HMCN2: variants seen among roughly 807,000 people sequenced by gnomAD.
HMCN2 encodes hemicentin-2.
A neutral mutation model predicts 377.5 loss-of-function variants in HMCN2; 325 were observed. That is an observed-to-expected ratio of 0.86 (90% confidence interval 0.79 to 0.94). The LOEUF is 0.94. Ranked by LOEUF, HMCN2 falls within the 40% of genes least tolerant of loss-of-function variation. The pLI, the probability that HMCN2 is intolerant of heterozygous loss-of-function variation, is 0.00. For synonymous variants in HMCN2, 2,007 were observed against 2,046.8 expected, an observed-to-expected ratio of 0.98 and a Z score of 0.53; for missense variants, 4,543 against 4,725.3, an observed-to-expected ratio of 0.96 and a Z score of 1.13.
chr9:130,335,209 C>T (rs1838682078), intron 22 of HMCN2, among the ~76,000 whole-genome samples: 2 of 152,082 alleles, frequency 1.3e-5, no homozygotes. Context: ...GTTTGCCAGC[C>T]CAGGTGTTGC....
chr9:130,350,403 A>AAAAAAAAAAAAC, intron 29 of HMCN2, among the ~76,000 whole-genome samples: 1 of 148,818 alleles, frequency 6.7e-6, no homozygotes, highest in African/African-American at 2.5e-5. Flanking sequence ...AAAAAAAAAA[A>AAAAAAAAAAAAC]AGAAATAGCC....
chr9:130,357,180 G>T (rs1187290017), intron 34 of HMCN2, among the ~76,000 whole-genome samples: 1 of 145,082 alleles, frequency 6.9e-6, no homozygotes, highest in Non-Finnish European at 1.5e-5. Flanking sequence ...ATGGGTAAAT[G>T]GATGGATGGG....
chr9:130,310,236 C>G (rs1328123414), intron 15 of HMCN2, among the ~76,000 whole-genome samples, 175 bp downstream of exon 15: 1 of 152,250 alleles, frequency 6.6e-6, no homozygotes, highest in Non-Finnish European at 1.5e-5. Context: ...CATGCATCAG[C>G]TCTTGCTGGG....
At chr9:130,307,670 G>T (rs1554937355) in intron 14 of HMCN2, 104 bp downstream of exon 14, 1 of 452,190 alleles carries the variant, frequency 2.2e-6, no homozygotes. Flanking sequence ...GAGCTGGAAG[G>T]TTCTGCTCCC....
chr9:130,395,824 T>G, intron 71 of HMCN2, 100 bp from the exon 72 acceptor site: 1 of 1,176,860 alleles, frequency 8.5e-7, no homozygotes, highest in Non-Finnish European at 1.1e-6. Context: ...AGAGCCACTG[T>G]CCAGCTTCAC....
At chr9:130,336,868 G>A (rs1269210094) in intron 22 of HMCN2, among the ~76,000 whole-genome samples, 2 of 152,148 alleles carry the variant, frequency 1.3e-5, no homozygotes, top group African/African-American at 4.8e-5. Flanking sequence ...TGGGGGCTAT[G>A]AGGACCCCTA....
chr9:130,317,108 C>G (rs1837600249), intron 15 of HMCN2, among the ~76,000 whole-genome samples: 1 of 150,424 alleles, frequency 6.6e-6, no homozygotes, highest in East Asian at 2.0e-4. Flanking sequence ...GCAGCTCTGG[C>G]TGGGGCAGCC....
chr9:130,384,904 G>T, intron 59 of HMCN2, 106 bp downstream of exon 59: 3 of 717,160 alleles, frequency 4.2e-6, no homozygotes, highest in Non-Finnish European at 6.3e-6. Flanking sequence ...GGAGGCACAG[G>T]GGGAGGCTGG....
At chr9:130,390,047 G>A (rs774648698) in intron 62 of HMCN2, among the ~76,000 whole-genome samples, 6 of 152,192 alleles carry the variant, frequency 3.9e-5, no homozygotes, top group African/African-American at 1.2e-4. Flanking sequence ...CTCCGTGTTC[G>A]TGTTTCTGTG....
At chr9:130,378,867 C>T (rs1841543142) in intron 53 of HMCN2, among the ~76,000 whole-genome samples, 1 of 152,140 alleles carries the variant, frequency 6.6e-6, no homozygotes, top group African/African-American at 2.4e-5. Flanking sequence ...TGCAGGTGAT[C>T]AGAGCAGGTG....
chr9:130,427,146 G>A (rs866204974), intron 90 of HMCN2, among the ~76,000 whole-genome samples, 167 bp from the exon 91 acceptor site: 1 of 152,190 alleles, frequency 6.6e-6, no homozygotes, highest in Non-Finnish European at 1.5e-5. Flanking sequence ...TGCAGTCATC[G>A]CCTCCAACAG....
chr9:130,266,605 G>A (rs1834113261), intron 1 of HMCN2, among the ~76,000 whole-genome samples: 1 of 152,236 alleles, frequency 6.6e-6, no homozygotes, highest in Non-Finnish European at 1.5e-5. Flanking sequence ...CCCAGAGGCA[G>A]GCCTTGAGAC....
chr9:130,320,623 G>A (rs1043800715), intron 17 of HMCN2, among the ~76,000 whole-genome samples, 153 bp from the exon 18 acceptor site: 16,014 of 152,260 alleles, frequency 0.11, 1,340 homozygotes, highest in East Asian at 0.47. Flanking sequence ...CTGCGTCCTG[G>A]ACAATGTCCT....
At chr9:130,333,368 C>T (rs1838528544) in intron 22 of HMCN2, among the ~76,000 whole-genome samples, 1 of 152,220 alleles carries the variant, frequency 6.6e-6, no homozygotes, top group Non-Finnish European at 1.5e-5. Flanking sequence ...GGCCTGGGAA[C>T]TGGCATTATT....
Position 130,394,465 on chromosome 9 carries a change from G to T in HMCN2, c.10582G>T (p.Ala3528Ser). The part of the protein sequence containing the change: ...PGAPMELLCD[A>S]QGTPQPNITW... ...CGCCCCCATGGAGCTCCTCTGTGAT[G>T]CCCAGGGCACCCCCCAGCCCAACAT... The change falls in exon 69 of 98, where the codon GCC (alanine) becomes TCC (serine). Residue 3528 changes from alanine (A) to serine (S), a missense_variant. Physicochemically the swap from Ala to Ser is moderately conservative, Grantham distance 99. Coordinates refer to ENST00000683500, the MANE Select transcript of HMCN2 (RefSeq NM_001291815.2). This position sits in a 1 kb window ranked among gnomAD's most constrained non-coding sequence, Gnocchi z 5.1. The T allele has an allele frequency of 1.6e-6, 2 of 1,289,840 alleles. No homozygotes were observed. Among genetic ancestry groups the T allele is most frequent in the South Asian group, 1.2e-5 (1 of 81,028 alleles). 79.9% of individuals were successfully genotyped at this position (1,289,840 alleles called of 1,614,324 possible). A position where few individuals can be genotyped will look rare whatever the true frequency, so the allele number is the denominator to read the frequency against.
chr9:130,413,856 C>T (rs1305948398), intron 85 of HMCN2, among the ~76,000 whole-genome samples: 2 of 152,096 alleles, frequency 1.3e-5, no homozygotes, highest in African/African-American at 4.8e-5. Context: ...TTGTAAATAA[C>T]AACCCCTAAC....
At position 130,386,525 on chromosome 9, in the gene HMCN2, G is replaced by A. The variant is rs1231982411; in HGVS notation, c.9391+1G>A. On this transcript the variant is annotated splice_donor_variant, in intron 61 of 97. Coordinates refer to ENST00000683500, the MANE Select transcript of HMCN2 (RefSeq NM_001291815.2). LOFTEE classifies it high-confidence loss of function. Reference sequence around the variant, plus strand: ...CGGACCTTCACCCTCACCGTCCAGGGTAAGCCAGGGACCAGCCTAGCCAAC... The same window carrying A: ...CGGACCTTCACCCTCACCGTCCAGGATAAGCCAGGGACCAGCCTAGCCAAC... The A allele has an allele frequency of 1.1e-5, 14 of 1,302,498 alleles. No individual in the cohort carries two copies. The highest frequency in any genetic ancestry group is 1.3e-5 in the Non-Finnish European group (13 of 988,604). The allele number at this position is 1,302,498 out of a possible 1,614,324, so 80.7% of individuals were successfully genotyped here.
At chr9:130,280,466 C>T (rs191283646) in intron 1 of HMCN2, among the ~76,000 whole-genome samples, 1 of 152,136 alleles carries the variant, frequency 6.6e-6, no homozygotes, top group East Asian at 1.9e-4. Context: ...GCCACCGCGC[C>T]TGGCCTGTGT....
Position 130,430,321 on chromosome 9 carries a change from C to A in HMCN2, c.14364C>A (p.Ala4788=). ...GCCTGCAGCTGCCCAAGGCCTGCGC[C>A]TACCAGTGCCACAACCTCCAGGGCA... ...NECLQLPKAC[A]YQCHNLQGSY... The change falls in exon 95 of 98, where the codon GCC becomes GCA. Residue 4788 remains alanine, a synonymous_variant. Transcript: ENST00000683500. 6.5e-7 allele frequency: 1 copy of A among 1,545,628 alleles called. No individual in the cohort carries two copies. The highest frequency in any genetic ancestry group is 8.7e-7 in the Non-Finnish European group (1 of 1,146,874).
Sources: allele counts gnomAD v4.1 joint callset (sites outside exome capture counted in the v4.1 genomes callset), GRCh38; gene constraint gnomAD v4.1.1; non-coding constraint Gnocchi (gnomAD v3.1); transcripts MANE v1.5; gene names NCBI Gene and HGNC (gene_info 2026-07-23, HGNC 2026-07-21).